Variants in TTLL1 observed in about 807,000 individuals in gnomAD.
TTLL1 encodes TTL family tubulin polyglutamylase complex subunit L1.
In TTLL1, 33 loss-of-function variants were observed where a neutral mutation model predicts 47.8. The ratio of observed to expected loss-of-function variants is 0.69; its 90% CI spans 0.52 to 0.92. The LOEUF is 0.92. Ranked by LOEUF, TTLL1 falls within the 40% of genes least tolerant of loss-of-function variation. TTLL1 has a pLI of 0.00. For synonymous variants in TTLL1, 225 were observed against 214.1 expected, an observed-to-expected ratio of 1.05 and a Z score of -0.45; for missense variants, 488 against 547.5, an observed-to-expected ratio of 0.89 and a Z score of 1.08.
chr22:43,055,166 G>A (rs960864361), intron 8 of TTLL1, among the ~76,000 whole-genome samples: 2 of 151,462 alleles, frequency 1.3e-5, no homozygotes, highest in African/African-American at 4.9e-5. Flanking sequence ...TGGGATTATG[G>A]GTGTGTGCCA....
chr22:43,066,516 G>A (rs183155371), intron 5 of TTLL1, among the ~76,000 whole-genome samples: 226 of 151,988 alleles, frequency 1.5e-3, no homozygotes, highest in African/African-American at 5.2e-3. Flanking sequence ...TTGAGCCCGG[G>A]AATTTGAGAT....
intron 7 of TTLL1, among the ~76,000 whole-genome samples, chr22:43,061,104 C>T (rs1158729117): frequency 6.6e-6 from 1 of 152,084 alleles, no homozygotes; most frequent in African/African-American, 2.4e-5. Flanking sequence ...GCAGAAGAAT[C>T]GCTTGAACCC....
rs1926128513 is a variant in TTLL1, at chr22:43,046,392, A to G, written c.1142+18T>C. On this transcript the variant is annotated intron_variant, in intron 10 of 10. Transcript: ENST00000266254. Reference sequence around the variant, plus strand: ...CGGAAACACAGAAGGACAAGCGCACAGTCACACACACACTTACAGAATCTC... The same window carrying G: ...CGGAAACACAGAAGGACAAGCGCACGGTCACACACACACTTACAGAATCTC... 5 of 1,612,440 alleles carry G rather than the reference A, an allele frequency of 3.1e-6. No homozygotes were observed. The highest frequency in any genetic ancestry group is 3.4e-6 in the Non-Finnish European group (4 of 1,178,756).
chr22:43,083,807 G>C (rs746980073), intron 1 of TTLL1, among the ~76,000 whole-genome samples: 1 of 152,078 alleles, frequency 6.6e-6, no homozygotes, highest in Non-Finnish European at 1.5e-5. Flanking sequence ...GGCTAATTAG[G>C]ATTTATTCCT....
At chr22:43,050,359 T>C (rs1442944413) in intron 9 of TTLL1, among the ~76,000 whole-genome samples, 2 of 151,028 alleles carry the variant, frequency 1.3e-5, no homozygotes, top group East Asian at 4.0e-4. Context: ...GAGGTTGCAG[T>C]GAGCCGAGAT....
chr22:43,046,411 G>T lies in TTLL1; in HGVS notation c.1141C>A (p.Leu381Met). 1.2e-6 allele frequency: 2 copies of T among 1,614,040 alleles called. No individual in the cohort carries two copies. Among genetic ancestry groups the T allele is most frequent in the Non-Finnish European group, 1.7e-6 (2 of 1,179,992 alleles). The change falls in exon 10 of 11, where the codon CTG becomes ATG. Residue 381 changes from leucine (L) to methionine (M), a missense_variant and splice_region_variant. Coordinates refer to ENST00000266254, the MANE Select transcript of TTLL1 (RefSeq NM_012263.5). ...GCGCACAGTCACACACACACTTACAGAATCTCGTAATTGCCGAGGACTTCC... is the reference window on the plus strand; with the variant it reads ...GCGCACAGTCACACACACACTTACATAATCTCGTAATTGCCGAGGACTTCC... ...PKEVLGNYEI[L>M]YDEELAQGDG...
At position 43,064,320 on chromosome 22, in the gene TTLL1, C is replaced by T; in HGVS notation, c.508G>A (p.Val170Met). Residue 170 changes from valine to methionine, a missense_variant, in exon 6 of 11, where the codon GTG becomes ATG. By Grantham distance (21) the Val-to-Met change is conservative. Transcript: ENST00000266254. ...WSRDSKTSSF[V>M]SQSNKEAYVI... ...TAGGCTTCCTTATTAGATTGAGACA[C>T]AAACCTAAACATGGCAGAGAAAGTA... 6.2e-7 allele frequency: 1 copy of T among 1,609,044 alleles called. No homozygotes were observed. Among genetic ancestry groups the T allele is most frequent in the Non-Finnish European group, 8.5e-7 (1 of 1,178,576 alleles).
chr22:43,077,348 G>A (rs1033296950), intron 2 of TTLL1, among the ~76,000 whole-genome samples: 2 of 152,142 alleles, frequency 1.3e-5, no homozygotes, highest in Admixed American at 1.3e-4. Context: ...GCCTGGCTAA[G>A]CCGCCTCCCA....
Position 43,069,770 on chromosome 22 carries a change from T to C in TTLL1, c.188A>G (p.Asn63Ser), listed in dbSNP as rs775204353. The change falls in exon 4 of 11, where the codon AAC becomes AGC. Residue 63 changes from asparagine (N) to serine (S), a missense_variant. Physicochemically the swap from Asn to Ser is conservative, Grantham distance 46. Coordinates refer to ENST00000266254, the MANE Select transcript of TTLL1 (RefSeq NM_012263.5). ...GYRLSDDQIV[N>S]HFPNHYELTR... ...CAGTTCATAGTGGTTTGGAAAATGG[T>C]TGACTATTTGGTCATCTGAGAGCCG... 1.7e-5 allele frequency: 28 copies of C among 1,614,122 alleles called. No homozygotes were observed. The South Asian group carries it at 3.1e-4, about 18-fold the overall frequency.
chr22:43,071,386 C>A (rs888129212), intron 3 of TTLL1, among the ~76,000 whole-genome samples: 4 of 151,470 alleles, frequency 2.6e-5, no homozygotes, highest in African/African-American at 7.3e-5. Flanking sequence ...TGTAATCCAG[C>A]ACTTTTGTTT....
At chr22:43,047,253 T>C (rs1926214817) in intron 9 of TTLL1, among the ~76,000 whole-genome samples, 2 of 152,050 alleles carry the variant, frequency 1.3e-5, no homozygotes, top group South Asian at 4.1e-4. Context: ...CAAGCAGCAG[T>C]GTGGGTTTCA....
chr22:43,052,050 C>T (rs993591321), intron 8 of TTLL1, 163 bp from the exon 9 acceptor site: 15 of 648,308 alleles, frequency 2.3e-5, no homozygotes, highest in Non-Finnish European at 3.6e-5. Context: ...CTCTTCCTCC[C>T]GCAGAGCTCA....
rs1369759849 is a variant in TTLL1, at chr22:43,075,579, C to A, written c.8G>T (p.Gly3Val). Reference protein sequence around the residue: MAGKVKWVTDIEK... With the variant: MAVKVKWVTDIEK... ...GATATCAGTGACCCATTTTACTTTCCCTGCCATAATCCTGGAAGAGATCAA... is the reference window on the plus strand; with the variant it reads ...GATATCAGTGACCCATTTTACTTTCACTGCCATAATCCTGGAAGAGATCAA... The change falls in exon 3 of 11, where the codon GGG becomes GTG. Residue 3 changes from glycine (G) to valine (V), a missense_variant. Coordinates refer to ENST00000266254, the MANE Select transcript of TTLL1 (RefSeq NM_012263.5). The A allele has an allele frequency of 6.2e-7, 1 of 1,614,010 alleles. No individual in the cohort carries two copies. The highest frequency in any genetic ancestry group is 2.2e-5 in the East Asian group (1 of 44,880).
At position 43,046,601 on chromosome 22, in the gene TTLL1, A is replaced by T. The variant is rs750328433; in HGVS notation, c.979-28T>A. The T allele has an allele frequency of 4.4e-6, 7 of 1,606,192 alleles. No homozygotes were observed. In the African/African-American group the frequency reaches 9.4e-5, roughly 21 times the overall value. Reference sequence around the variant, plus strand: ...GTGAGATGAAAGACCCATGTTCCTCACCTGTGTCTCTCGCTCTTTTGGAAT... The same window carrying T: ...GTGAGATGAAAGACCCATGTTCCTCTCCTGTGTCTCTCGCTCTTTTGGAAT... On this transcript the variant is annotated intron_variant, in intron 9 of 10. Transcript: ENST00000266254.
At chr22:43,070,370 C>T in intron 3 of TTLL1, 1 of 437,246 alleles carries the variant, frequency 2.3e-6, no homozygotes, top group African/African-American at 2.1e-5. Flanking sequence ...TTCTGAGCCT[C>T]TGAGAAAGCC....
Position 43,068,391 on chromosome 22 carries a change from G to C in TTLL1, c.503+19C>G, listed in dbSNP as rs375050767. On this transcript the variant is annotated intron_variant, in intron 5 of 10. Transcript: ENST00000266254. ...GAACTGGGACCTGGCACACAAAGTG[G>C]GTGGCTGCCCACACTTACGAAGATG... The C allele has an allele frequency of 2.0e-6, 3 of 1,466,880 alleles. No individual in the cohort carries two copies. Among genetic ancestry groups the C allele is most frequent in the South Asian group, 1.5e-5 (1 of 68,796 alleles). 90.9% of individuals were successfully genotyped at this position (1,466,880 alleles called of 1,614,324 possible).
chr22:43,061,803 G>A (rs1927402250), intron 7 of TTLL1, among the ~76,000 whole-genome samples: 1 of 152,118 alleles, frequency 6.6e-6, no homozygotes, highest in South Asian at 2.1e-4. Context: ...CTCGGCACAC[G>A]TTGTACCTAC....
At chr22:43,067,108 G>A (rs1265887534) in intron 5 of TTLL1, among the ~76,000 whole-genome samples, 1 of 152,176 alleles carries the variant, frequency 6.6e-6, no homozygotes, top group Non-Finnish European at 1.5e-5. Flanking sequence ...GCTTTGCCCC[G>A]GTGGGCCCCG....
Position 43,046,587 on chromosome 22 carries a change from G to A in TTLL1, c.979-14C>T. On this transcript the variant is annotated splice_polypyrimidine_tract_variant and intron_variant, in intron 9 of 10. Transcript: ENST00000266254. ...GGACGCATTCACCTGTGAGATGAAA[G>A]ACCCATGTTCCTCACCTGTGTCTCT... is the stretch of plus-strand genomic sequence containing the variant. 2 of 1,612,520 alleles carry A rather than the reference G, an allele frequency of 1.2e-6. No homozygotes were observed. Among genetic ancestry groups the A allele is most frequent in the Non-Finnish European group, 1.7e-6 (2 of 1,178,646 alleles).
Sources: gnomAD v4.1 joint callset for allele counts (sites outside exome capture counted in the v4.1 genomes callset) on GRCh38, gnomAD v4.1.1 for gene constraint, MANE v1.5 for transcripts, NCBI Gene and HGNC (gene_info 2026-07-23, HGNC 2026-07-21) for gene names.